Variants in STK32C observed in about 807,000 individuals in gnomAD.
The protein encoded by STK32C is serine/threonine kinase 32C.
In STK32C, 31 loss-of-function variants were observed where a neutral mutation model predicts 56.5. The ratio of observed to expected loss-of-function variants is 0.55; its 90% CI spans 0.41 to 0.74. The LOEUF (loss-of-function observed/expected upper bound fraction) is 0.74, where lower values mean the gene tolerates loss of function less well. Among genes scored for constraint, STK32C ranks in the 30% least tolerant of loss-of-function variants. The pLI, the probability that STK32C is intolerant of heterozygous loss-of-function variation, is 0.00. For synonymous variants in STK32C, 309 were observed against 289.4 expected, an observed-to-expected ratio of 1.07 and a Z score of -0.69; for missense variants, 544 against 676.9, an observed-to-expected ratio of 0.80 and a Z score of 2.18.
At chr10:132,288,362 T>C (rs1239552984) in intron 1 of STK32C, among the ~76,000 whole-genome samples, 1 of 152,230 alleles carries the variant, frequency 6.6e-6, no homozygotes, top group Non-Finnish European at 1.5e-5. Context: ...CTGAACTTCA[T>C]CAACATTTAA....
rs2062202492 is a variant in STK32C at position 132,209,030 on chromosome 10, TCA to T, written c.1319+2_1319+3del. The T allele has an allele frequency of 1.0e-6, 1 of 961,180 alleles. No individual in the cohort carries two copies. Among genetic ancestry groups the T allele is most frequent in the Non-Finnish European group, 1.6e-6 (1 of 638,376 alleles). 59.5% of individuals were successfully genotyped at this position (961,180 alleles called of 1,614,324 possible). A position where few individuals can be genotyped will look rare whatever the true frequency, so the allele number is the denominator to read the frequency against. On this transcript the variant is annotated splice_donor_variant and splice_donor_region_variant and intron_variant, in intron 11 of 11. Coordinates refer to ENST00000298630, the MANE Select transcript of STK32C (RefSeq NM_173575.4). LOFTEE classifies it high-confidence loss of function. ...CCACGCCCACCCACCCCCAACACACTCACTTTTCTCTGTTAAAAATCACGAAG... is the reference window on the plus strand; with the variant it reads ...CCACGCCCACCCACCCCCAACACACTCTTTTCTCTGTTAAAAATCACGAAG...
Position 132,307,854 on chromosome 10 carries a change from G to C in STK32C, c.-21C>G, listed in dbSNP as rs576083710. 20,226 of 1,144,878 alleles carry C rather than the reference G, an allele frequency of 0.018. 311 individuals carry two copies. The highest frequency in any genetic ancestry group is 0.047 in the South Asian group (2,564 of 54,568). The allele number at this position is 1,144,878 out of a possible 1,614,324, so 70.9% of individuals were successfully genotyped here. A position where few individuals can be genotyped will look rare whatever the true frequency, so the allele number is the denominator to read the frequency against. On this transcript the variant is annotated 5_prime_UTR_variant, in exon 1 of 12. Coordinates refer to ENST00000298630, the MANE Select transcript of STK32C (RefSeq NM_173575.4). The surrounding 1 kb of genome is among the most constrained non-coding windows in gnomAD (Gnocchi z 4.4). ...CTCATCGCCGGGTCTGGGTGCGCGC[G>C]GCAGCCGGAACTCGGGGCATGGCCG...
At chr10:132,240,426 G>A (rs1432894970) in intron 2 of STK32C, among the ~76,000 whole-genome samples, 2 of 152,068 alleles carry the variant, frequency 1.3e-5, no homozygotes, top group Admixed American at 6.5e-5. Flanking sequence ...AGACGGCACA[G>A]GGGGCCCAGG....
At chr10:132,229,349 C>G (rs925537118) in intron 2 of STK32C, among the ~76,000 whole-genome samples, 2 of 152,110 alleles carry the variant, frequency 1.3e-5, no homozygotes, top group Non-Finnish European at 2.9e-5. Flanking sequence ...GGCTGCATGC[C>G]CGGAAAGCGT....
chr10:132,212,996 C>G (rs977504098), intron 10 of STK32C, among the ~76,000 whole-genome samples: 21 of 152,218 alleles, frequency 1.4e-4, no homozygotes, highest in Non-Finnish European at 2.6e-4. Context: ...GTGCAGAACT[C>G]CTGCGGCTGC....
upstream of STK32C, among the ~76,000 whole-genome samples, chr10:132,311,490 C>A (rs932490148): frequency 6.6e-6 from 1 of 152,358 alleles, no homozygotes; most frequent in South Asian, 2.1e-4. This position sits in a 1 kb window ranked among gnomAD's most constrained non-coding sequence, Gnocchi z 4.4. Flanking sequence ...TTGGAGCCCA[C>A]GTGTGGGGAC....
rs1219262690 is a variant in STK32C at position 132,307,302 on chromosome 10, G to C, written c.262+270C>G. On this transcript the variant is annotated intron_variant, in intron 1 of 11. Transcript: ENST00000298630. This position sits in a 1 kb window ranked among gnomAD's most constrained non-coding sequence, Gnocchi z 4.4. ...GGTGGGCGGAGGCGCGCGCAAGCCC[G>C]GAGACGCCACAGCCGCGGGGGACCC... 3.3e-6 allele frequency: 1 copy of C among 300,078 alleles called. No homozygotes were observed. Among genetic ancestry groups the C allele is most frequent in the Admixed American group, 5.4e-5 (1 of 18,556 alleles). 18.6% of individuals were successfully genotyped at this position (300,078 alleles called of 1,614,324 possible). A position where few individuals can be genotyped will look rare whatever the true frequency, so the allele number is the denominator to read the frequency against.
chr10:132,253,904 C>G (rs1344462970), intron 1 of STK32C, among the ~76,000 whole-genome samples: 1 of 152,274 alleles, frequency 6.6e-6, no homozygotes, highest in Non-Finnish European at 1.5e-5. Flanking sequence ...GGACCCGCCT[C>G]TGCGTCTAGC....
intron 1 of STK32C, among the ~76,000 whole-genome samples, chr10:132,275,649 A>G (rs2064973671): frequency 6.6e-6 from 1 of 152,194 alleles, no homozygotes. Flanking sequence ...CGCAGTGCAG[A>G]GCCACCCACC....
intron 1 of STK32C, among the ~76,000 whole-genome samples, chr10:132,293,352 A>C (rs2065630715): frequency 6.6e-6 from 1 of 152,250 alleles, no homozygotes; most frequent in Admixed American, 6.5e-5. Context: ...AGGCCAGGGA[A>C]GGCAATTCTT....
At chr10:132,269,052 G>A (rs968250485) in intron 1 of STK32C, among the ~76,000 whole-genome samples, 10 of 132,096 alleles carry the variant, frequency 7.6e-5, no homozygotes, top group South Asian at 2.5e-4. Flanking sequence ...TGTGTGTGTC[G>A]GTGTGTGCAT....
intron 1 of STK32C, among the ~76,000 whole-genome samples, chr10:132,256,246 A>G (rs1456020981): frequency 6.6e-6 from 1 of 152,012 alleles, no homozygotes; most frequent in Non-Finnish European, 1.5e-5. Flanking sequence ...CCAGGTACAC[A>G]CCCAGAGCCC....
At chr10:132,245,386 C>T (rs868669091) in intron 2 of STK32C, among the ~76,000 whole-genome samples, 1 of 152,200 alleles carries the variant, frequency 6.6e-6, no homozygotes, top group Non-Finnish European at 1.5e-5. Flanking sequence ...TATTACAAGG[C>T]GGCAATCAGG....
At chr10:132,298,803 TG>T (rs1403885225) in intron 1 of STK32C, among the ~76,000 whole-genome samples, 1 of 152,098 alleles carries the variant, frequency 6.6e-6, no homozygotes, top group African/African-American at 2.4e-5. Context: ...GAAGCTGGCC[TG>T]GAAGTGGTCG....
intron 1 of STK32C, among the ~76,000 whole-genome samples, chr10:132,330,795 C>T (rs553378019): frequency 6.6e-6 from 1 of 151,200 alleles, no homozygotes; most frequent in East Asian, 2.0e-4. Flanking sequence ...CAGGCGTGAG[C>T]CATCGTGTCC....
At chr10:132,209,157 G>A in intron 10 of STK32C, 56 bp from the exon 11 acceptor site, 3 of 1,501,260 alleles carry the variant, frequency 2.0e-6, no homozygotes, top group Non-Finnish European at 1.9e-6. Context: ...TTCCGCCCAT[G>A]TCCCCTCAAG....
chr10:132,298,353 C>T (rs967656105), intron 1 of STK32C, among the ~76,000 whole-genome samples: 3 of 152,272 alleles, frequency 2.0e-5, no homozygotes, highest in African/African-American at 7.2e-5. Context: ...GCCCTGGGGC[C>T]TCTCAGGAAT....
chr10:132,250,769 C>T (rs1191043279), intron 1 of STK32C, among the ~76,000 whole-genome samples: 3 of 152,230 alleles, frequency 2.0e-5, no homozygotes, highest in Non-Finnish European at 4.4e-5. Flanking sequence ...GGCTTTCCAT[C>T]GGCAGCACGG....
chr10:132,225,223 G>C lies in STK32C; in HGVS notation c.876+10C>G, dbSNP rs374529300. 3 of 1,592,128 alleles carry C rather than the reference G, an allele frequency of 1.9e-6. No individual in the cohort carries two copies. In the Admixed American group the frequency reaches 5.1e-5, roughly 27 times the overall value. On this transcript the variant is annotated intron_variant, in intron 7 of 11. Transcript: ENST00000298630. ...GGCAGCCAAGCCCAGGGGCTGCAGG[G>C]GGTCCATACCCATCCTCGCAGCAGC...
Sources: gnomAD v4.1 joint callset for allele counts (sites outside exome capture counted in the v4.1 genomes callset) on GRCh38, gnomAD v4.1.1 for gene constraint, Gnocchi (gnomAD v3.1) non-coding constraint, MANE v1.5 for transcripts, NCBI Gene and HGNC (gene_info 2026-07-23, HGNC 2026-07-21) for gene names.